Variants in SLC13A4 observed in about 807,000 individuals in gnomAD.
SLC13A4 encodes Na(+)/sulfate cotransporter SUT-1.
A neutral mutation model predicts 72.7 loss-of-function variants in SLC13A4; 28 were observed. That is an observed-to-expected ratio of 0.39 (90% CI 0.29 to 0.53). The LOEUF is 0.53. Ranked by LOEUF, SLC13A4 falls within the 20% of genes least tolerant of loss-of-function variation. The pLI, the probability that SLC13A4 is intolerant of heterozygous loss-of-function variation, is 0.78. For synonymous variants in SLC13A4, 312 were observed against 325.5 expected (o/e 0.96, Z 0.45); for missense variants, 653 against 788.0 (o/e 0.83, Z 2.05).
intron 2 of SLC13A4, among the ~76,000 whole-genome samples, chr7:135,708,595 T>C (rs1796223394): frequency 6.6e-6 from 1 of 152,230 alleles, no homozygotes; most frequent in South Asian, 2.1e-4. Context: ...CATATAATTT[T>C]ATATTGATCT....
At chr7:135,709,224 C>T (rs189178159) in intron 2 of SLC13A4, among the ~76,000 whole-genome samples, 10 of 152,034 alleles carry the variant, frequency 6.6e-5, no homozygotes, top group South Asian at 2.1e-4. Flanking sequence ...AGCCAGCGCA[C>T]CCGGCCTTAA....
chr7:135,682,351 TGA>T (rs1364022231), intron 15 of SLC13A4, among the ~76,000 whole-genome samples: 1 of 152,084 alleles, frequency 6.6e-6, no homozygotes, highest in East Asian at 1.9e-4. Flanking sequence ...GTGGGGGATG[TGA>T]GAGATGGTGG....
intron 2 of SLC13A4, among the ~76,000 whole-genome samples, chr7:135,712,303 A>G (rs367981111): frequency 9.9e-5 from 15 of 151,702 alleles, no homozygotes; most frequent in Non-Finnish European, 1.9e-4. Flanking sequence ...AAGTGATACT[A>G]TGTGCTCGGG....
At chr7:135,704,584 C>CT (rs1173353921) in intron 5 of SLC13A4, 1 of 134,278 alleles carries the variant, frequency 7.4e-6, no homozygotes, top group African/African-American at 2.7e-5. Flanking sequence ...CTTTCACCTT[C>CT]TTTCTTCTGC....
intron 2 of SLC13A4, among the ~76,000 whole-genome samples, chr7:135,710,216 C>T (rs1796268822): frequency 1.3e-5 from 2 of 152,078 alleles, no homozygotes; most frequent in Non-Finnish European, 2.9e-5. Flanking sequence ...ATAATATGTA[C>T]ATGATCATAC....
chr7:135,705,324 C>T, intron 5 of SLC13A4: 1 of 414,560 alleles, frequency 2.4e-6, no homozygotes, highest in Non-Finnish European at 4.4e-6. Flanking sequence ...GTGGACAGTT[C>T]ATATATCCAC....
At chr7:135,688,390 G>C (rs997775738) in intron 13 of SLC13A4, among the ~76,000 whole-genome samples, 5 of 151,902 alleles carry the variant, frequency 3.3e-5, no homozygotes, top group African/African-American at 1.2e-4. Context: ...CCAAGTAGCT[G>C]GGATTAAAAG....
At chr7:135,690,569 C>G (rs1795759785) in intron 13 of SLC13A4, among the ~76,000 whole-genome samples, 1 of 152,190 alleles carries the variant, frequency 6.6e-6, no homozygotes, top group Non-Finnish European at 1.5e-5. Context: ...TTACCATCTC[C>G]TATTGCCACT....
At chr7:135,695,990 A>G (rs958099250) in intron 8 of SLC13A4, among the ~76,000 whole-genome samples, 1 of 152,208 alleles carries the variant, frequency 6.6e-6, no homozygotes, top group Non-Finnish European at 1.5e-5. Flanking sequence ...AATCTTTATC[A>G]ACATCCACTG....
intron 2 of SLC13A4, among the ~76,000 whole-genome samples, chr7:135,718,088 C>CACACACACACACACGCACGT (rs754511549): frequency 6.7e-6 from 1 of 149,560 alleles, no homozygotes; most frequent in Non-Finnish European, 1.5e-5. Context: ...CACACACACA[C>CACACACACACACACGCACGT]GCGCGCGCGC....
intron 4 of SLC13A4, 193 bp downstream of exon 4, chr7:135,705,935 T>G: frequency 1.8e-6 from 1 of 567,714 alleles, no homozygotes; most frequent in Non-Finnish European, 3.1e-6. Flanking sequence ...GAACAGGGAG[T>G]TCAGGGAAGC....
chr7:135,709,834 C>T (rs540817250), intron 2 of SLC13A4, among the ~76,000 whole-genome samples: 6 of 152,146 alleles, frequency 3.9e-5, no homozygotes, highest in Non-Finnish European at 8.8e-5. Flanking sequence ...CCATTAATTC[C>T]GCACACCACA....
chr7:135,697,038 T>C (rs944805500), intron 8 of SLC13A4, among the ~76,000 whole-genome samples: 2 of 152,206 alleles, frequency 1.3e-5, no homozygotes, highest in Non-Finnish European at 2.9e-5. Context: ...TCTAGGTAAT[T>C]TCCTCCACTC....
At chr7:135,717,534 C>G (rs1228668310) in intron 2 of SLC13A4, among the ~76,000 whole-genome samples, 3 of 152,188 alleles carry the variant, frequency 2.0e-5, no homozygotes, top group Non-Finnish European at 4.4e-5. Flanking sequence ...TATACTTTCT[C>G]TCTACTAAAA....
intron 2 of SLC13A4, among the ~76,000 whole-genome samples, chr7:135,713,139 G>A (rs1386774994): frequency 6.6e-6 from 1 of 152,156 alleles, no homozygotes; most frequent in East Asian, 1.9e-4. Context: ...CTGTGAGCTG[G>A]GAAGCCAGAT....
chr7:135,681,506 C>T lies in SLC13A4; in HGVS notation c.*57G>A. The T allele has an allele frequency of 6.3e-7, 1 of 1,577,342 alleles. No individual in the cohort carries two copies. The highest frequency in any genetic ancestry group is 8.6e-7 in the Non-Finnish European group (1 of 1,158,354). ...CCTAGTGGTTTTCTTTGCCTGTGGT[C>T]CAGATACTGCTGGATACTGGCAGCT... On this transcript the variant is annotated 3_prime_UTR_variant, in exon 16 of 16. Coordinates refer to ENST00000682651, the MANE Select transcript of SLC13A4 (RefSeq NM_001318192.2).
Position 135,691,656 on chromosome 7 carries a change from G to A in SLC13A4, c.1224-11C>T, listed in dbSNP as rs756124190. 6.3e-7 allele frequency: 1 copy of A among 1,589,110 alleles called. No homozygotes were observed. The highest frequency in any genetic ancestry group is 8.6e-7 in the Non-Finnish European group (1 of 1,157,510). On this transcript the variant is annotated splice_polypyrimidine_tract_variant and intron_variant, in intron 11 of 15. Transcript: ENST00000682651. ...GTACGGTAGCCTTTCCTAGTAAAGA[G>A]ACAAGCATAGCTGAGGAGAAGGGTC...
intron 10 of SLC13A4, among the ~76,000 whole-genome samples, 195 bp downstream of exon 10, chr7:135,693,942 A>T (rs1247357731): frequency 6.6e-6 from 1 of 152,190 alleles, no homozygotes; most frequent in Non-Finnish European, 1.5e-5. Flanking sequence ...TGAATAGAGC[A>T]AAGGGGAAGG....
chr7:135,708,049 T>G, intron 3 of SLC13A4, 65 bp downstream of exon 3: 1 of 1,576,052 alleles, frequency 6.3e-7, no homozygotes, highest in Non-Finnish European at 8.7e-7. Context: ...CTGAGACCAC[T>G]GTCCTGGTGG....
Sources: gnomAD v4.1 joint callset for allele counts (sites outside exome capture counted in the v4.1 genomes callset) on GRCh38, gnomAD v4.1.1 for gene constraint, MANE v1.5 for transcripts, NCBI Gene and HGNC (gene_info 2026-07-23, HGNC 2026-07-21) for gene names.